IFT140: variants seen among roughly 807,000 people sequenced by gnomAD.
IFT140 encodes intraflagellar transport protein 140 homolog.
IFT140 carries 133 observed loss-of-function variants against 164.6 expected under a neutral mutation model. That is an observed-to-expected ratio of 0.81 (90% CI 0.70 to 0.93). The LOEUF is 0.93. Among genes scored for constraint, IFT140 ranks in the 40% least tolerant of loss-of-function variants. The pLI is 0.00. For missense variants in IFT140, 2,045 were observed against 1,972.3 expected, an observed-to-expected ratio of 1.04 and a Z score of -0.70; for synonymous variants, 860 against 817.3, an observed-to-expected ratio of 1.05 and a Z score of -0.89.
chr16:1,554,739 C>T, intron 19 of IFT140: 1 of 1,605,802 alleles, frequency 6.2e-7, no homozygotes. Context: ...TGGAACCCGC[C>T]TTCCTCTCAG....
chr16:1,526,563 C>A, intron 20 of IFT140, 56 bp downstream of exon 20: 10 of 1,426,104 alleles, frequency 7.0e-6, no homozygotes, highest in Admixed American at 5.3e-5. Context: ...CCCAGGGGGC[C>A]GTGGCTGTGG....
At chr16:1,541,201 G>A in intron 19 of IFT140, 1 of 985,448 alleles carries the variant, frequency 1.0e-6, no homozygotes, top group Non-Finnish European at 1.2e-6. Flanking sequence ...CAGGCCTGCT[G>A]TGAGTGGGGA....
intron 19 of IFT140, among the ~76,000 whole-genome samples, chr16:1,550,681 C>A (rs2032560930): frequency 6.6e-6 from 1 of 152,192 alleles, no homozygotes; most frequent in South Asian, 2.1e-4. Flanking sequence ...TTTAGCCTTC[C>A]CACTTTTAAT....
intron 13 of IFT140, among the ~76,000 whole-genome samples, chr16:1,572,617 G>C (rs2034080958): frequency 6.6e-6 from 1 of 152,224 alleles, no homozygotes; most frequent in Non-Finnish European, 1.5e-5. Flanking sequence ...CTGCACTCCA[G>C]CCTGGGCGAC....
chr16:1,585,840 G>A (rs1176937475), intron 10 of IFT140, among the ~76,000 whole-genome samples: 5 of 143,014 alleles, frequency 3.5e-5, no homozygotes, highest in African/African-American at 1.3e-4. Flanking sequence ...GCACAATCTC[G>A]GCTCACTGCA....
intron 19 of IFT140, among the ~76,000 whole-genome samples, chr16:1,546,321 C>T (rs1343240080): frequency 3.3e-5 from 5 of 152,188 alleles, no homozygotes; most frequent in Non-Finnish European, 7.3e-5. Flanking sequence ...GAGGATGCTC[C>T]GAGCCCTCAG....
rs147911054 is a variant in IFT140, at chr16:1,571,572, T to G, written c.1525-38A>C. On this transcript the variant is annotated intron_variant, in intron 13 of 30. Transcript: ENST00000426508. ...AACAAGAAATGGATATATTTCATGT[T>G]AGTTACTGAACATTGTTCACAGATA... 4.1e-4 allele frequency: 645 copies of G among 1,590,140 alleles called. 4 individuals are homozygous for G. The African/African-American group carries it at 7.6e-3, about 19-fold the overall frequency.
At chr16:1,585,135 C>T (rs2034800126) in intron 10 of IFT140, among the ~76,000 whole-genome samples, 1 of 152,188 alleles carries the variant, frequency 6.6e-6, no homozygotes, top group East Asian at 1.9e-4. Flanking sequence ...CACACAAAAA[C>T]GTGTACACAA....
chr16:1,582,632 G>A (rs533422555), intron 12 of IFT140, among the ~76,000 whole-genome samples: 4 of 152,272 alleles, frequency 2.6e-5, no homozygotes, highest in Non-Finnish European at 2.9e-5. Context: ...GGCCGGGCGC[G>A]GAGGCGCACG....
intron 2 of IFT140, among the ~76,000 whole-genome samples, chr16:1,609,661 T>A (rs1349503633): frequency 6.6e-6 from 1 of 152,240 alleles, no homozygotes; most frequent in East Asian, 1.9e-4. Flanking sequence ...CAGGCCTGCC[T>A]GAATGAGTTC....
At chr16:1,548,522 T>C (rs184773459) in intron 19 of IFT140, among the ~76,000 whole-genome samples, 229 of 152,364 alleles carry the variant, frequency 1.5e-3, no homozygotes, top group African/African-American at 5.1e-3. Context: ...CAGAATTTCG[T>C]GTTTGCTAAA....
intron 30 of IFT140, among the ~76,000 whole-genome samples, chr16:1,515,942 A>G (rs1370747730): frequency 1.3e-5 from 2 of 151,856 alleles, no homozygotes; most frequent in African/African-American, 4.8e-5. Context: ...GGAGTTTGAG[A>G]CCAGCCTGAC....
intron 4 of IFT140, among the ~76,000 whole-genome samples, chr16:1,593,484 G>T (rs989122490): frequency 7.9e-5 from 12 of 151,954 alleles, no homozygotes; most frequent in African/African-American, 2.9e-4. Flanking sequence ...GCTAATTTTT[G>T]TATTTTTAGT....
At chr16:1,607,854 C>G (rs1405878529) in intron 2 of IFT140, among the ~76,000 whole-genome samples, 2 of 152,196 alleles carry the variant, frequency 1.3e-5, no homozygotes, top group Non-Finnish European at 2.9e-5. Context: ...CTATGTTGCC[C>G]AGGCTGGTCT....
intron 4 of IFT140, among the ~76,000 whole-genome samples, chr16:1,596,600 G>A (rs2035477364): frequency 6.6e-6 from 1 of 152,106 alleles, no homozygotes; most frequent in Non-Finnish European, 1.5e-5. Context: ...TCTGAGAGAG[G>A]GACAGATGTC....
In IFT140 at chr16:1,584,217, C is replaced by CGT. The variant is rs770248429; in HGVS notation, c.1358_1359insAC (p.Asp454ArgfsTer35). The stretch of plus-strand genomic sequence containing the variant: ...ACCCACGGGTCCCCTCGGCAGTCAC[C>CGT]TTGGTGGCAAACACTCCACTGATGT... On this transcript the variant is annotated frameshift_variant and splice_region_variant, in exon 11 of 31. Coordinates refer to ENST00000426508, the MANE Select transcript of IFT140 (RefSeq NM_014714.4). LOFTEE classifies it high-confidence loss of function. 6.2e-7 allele frequency: 1 copy of CGT among 1,612,760 alleles called. No individual in the cohort carries two copies. The highest frequency in any genetic ancestry group is 1.7e-5 in the Admixed American group (1 of 59,960).
At chr16:1,524,459 C>A in intron 24 of IFT140, 93 bp downstream of exon 24, 1 of 1,515,366 alleles carries the variant, frequency 6.6e-7, no homozygotes, top group South Asian at 1.2e-5. Context: ...GACCACGTGT[C>A]ACTGACACGA....
chr16:1,586,247 C>T lies in IFT140; in HGVS notation c.1038G>A (p.Gly346=), dbSNP rs963488398. ...KGLLAAGTDR[G]RVAMWRKVPD... is the part of the protein sequence containing the mutation. ...GTACTTTCCTCCACATGGCTACTCG[C>T]CCTCTGTCGGTACCAGCGGCCAGAA... The change falls in exon 10 of 31, where the codon GGG becomes GGA. Residue 346 remains glycine (G), a synonymous_variant. Coordinates refer to ENST00000426508, the MANE Select transcript of IFT140 (RefSeq NM_014714.4). The T allele has an allele frequency of 6.2e-7, 1 of 1,613,850 alleles. No individual in the cohort carries two copies. Among genetic ancestry groups the T allele is most frequent in the Non-Finnish European group, 8.5e-7 (1 of 1,179,916 alleles).
intron 19 of IFT140, chr16:1,530,653 C>G (rs1335789165): frequency 6.6e-6 from 1 of 150,480 alleles, no homozygotes; most frequent in East Asian, 1.9e-4. Context: ...CAGACGGGCT[C>G]CCCTGTGCTC....
Sources: gnomAD v4.1 joint callset for allele counts (sites outside exome capture counted in the v4.1 genomes callset) on GRCh38, gnomAD v4.1.1 for gene constraint, MANE v1.5 for transcripts, NCBI Gene and HGNC (gene_info 2026-07-23, HGNC 2026-07-21) for gene names.